The following ANKRD6 variants were observed in gnomAD, a reference collection of about 807,000 sequenced individuals.
ANKRD6 encodes the protein ankyrin repeat domain 6.
ANKRD6 carries 56 observed loss-of-function variants against 82.3 expected under a neutral mutation model. The ratio of observed to expected loss-of-function variants is 0.68; its 90% confidence interval spans 0.55 to 0.85. The LOEUF (loss-of-function observed/expected upper bound fraction) is 0.85. Ranked by LOEUF, ANKRD6 falls within the 40% of genes least tolerant of loss-of-function variation. ANKRD6 has a pLI of 0.00. For synonymous variants in ANKRD6, 347 were observed against 352.1 expected, an observed-to-expected ratio of 0.99 and a Z score of 0.16; for missense variants, 852 against 907.6, an observed-to-expected ratio of 0.94 and a Z score of 0.79.
At chr6:89,619,753 G>A (rs746134456) in intron 9 of ANKRD6, 3 of 152,214 alleles carry the variant, frequency 2.0e-5, no homozygotes. Flanking sequence ...TACAGAAATA[G>A]CATTAGTATT....
chr6:89,618,484 T>A (rs1273923811), intron 9 of ANKRD6: 1 of 399,946 alleles, frequency 2.5e-6, no homozygotes, highest in African/African-American at 2.0e-5. Flanking sequence ...CCGGAGATAG[T>A]TAAGTACAGT....
At chr6:89,614,906 A>G (rs1801176029) in intron 7 of ANKRD6, among the ~76,000 whole-genome samples, 1 of 151,808 alleles carries the variant, frequency 6.6e-6, no homozygotes, top group African/African-American at 2.4e-5. Flanking sequence ...ATAACTCCCT[A>G]AGTTCTGTTC....
At chr6:89,617,822 T>C in intron 8 of ANKRD6, 132 bp from the exon 9 acceptor site, 2 of 802,764 alleles carry the variant, frequency 2.5e-6, no homozygotes, top group Non-Finnish European at 4.1e-6. Flanking sequence ...TAGGTGGCCA[T>C]GTTTTGCCAC....
chr6:89,473,817 T>TA (rs950670431), intron 1 of ANKRD6, among the ~76,000 whole-genome samples: 89 of 143,684 alleles, frequency 6.2e-4, no homozygotes, highest in Middle Eastern at 3.6e-3. Flanking sequence ...CATCTCTACT[T>TA]AAAAAAAAAA....
intron 1 of ANKRD6, among the ~76,000 whole-genome samples, chr6:89,466,483 G>A (rs1774863652): frequency 6.6e-6 from 1 of 151,464 alleles, no homozygotes; most frequent in Non-Finnish European, 1.5e-5. Context: ...GATTATTCTT[G>A]GTTTTTAAAC....
intron 13 of ANKRD6, 125 bp downstream of exon 13, chr6:89,624,816 C>A: frequency 2.0e-6 from 2 of 999,178 alleles, no homozygotes; most frequent in Non-Finnish European, 2.8e-6. Context: ...AGGGAAGAGG[C>A]CTGCTTCTGC....
At chr6:89,487,398 A>G (rs570298593) in intron 1 of ANKRD6, among the ~76,000 whole-genome samples, 2 of 152,340 alleles carry the variant, frequency 1.3e-5, no homozygotes, top group African/African-American at 2.4e-5. Context: ...CATTTTTAAA[A>G]TGTGGAATTT....
At chr6:89,598,602 A>G (rs964122042) in intron 3 of ANKRD6, among the ~76,000 whole-genome samples, 1 of 152,214 alleles carries the variant, frequency 6.6e-6, no homozygotes, top group Non-Finnish European at 1.5e-5. Flanking sequence ...GAAAAATAAC[A>G]GTATTTCAAA....
chr6:89,548,519 G>A (rs144035768), intron 1 of ANKRD6, among the ~76,000 whole-genome samples: 49 of 152,322 alleles, frequency 3.2e-4, no homozygotes, highest in African/African-American at 1.2e-3. Context: ...GTGGTCATAT[G>A]TGTTCTGTTC....
intron 5 of ANKRD6, among the ~76,000 whole-genome samples, chr6:89,608,430 A>G (rs180813303): frequency 6.7e-6 from 1 of 150,110 alleles, no homozygotes; most frequent in African/African-American, 2.5e-5. Context: ...TAGTATCTCT[A>G]GCTTATGACA....
intron 1 of ANKRD6, among the ~76,000 whole-genome samples, chr6:89,548,725 C>A (rs1785424687): frequency 6.6e-6 from 1 of 152,214 alleles, no homozygotes; most frequent in Admixed American, 6.5e-5. Context: ...AGAGGCTTCT[C>A]CTTTGGAGCT....
chr6:89,515,603 A>T (rs1781106546), intron 1 of ANKRD6, among the ~76,000 whole-genome samples: 1 of 152,212 alleles, frequency 6.6e-6, no homozygotes, highest in South Asian at 2.1e-4. Context: ...ATATTACCTT[A>T]TGTGGCCCCC....
chr6:89,610,213 T>C (rs1799868418), intron 5 of ANKRD6, among the ~76,000 whole-genome samples: 1 of 152,202 alleles, frequency 6.6e-6, no homozygotes, highest in African/African-American at 2.4e-5. Flanking sequence ...CACCATAAGA[T>C]ATAGAATGTT....
chr6:89,450,156 G>C (rs1056282428), intron 1 of ANKRD6, among the ~76,000 whole-genome samples: 12 of 152,188 alleles, frequency 7.9e-5, no homozygotes, highest in African/African-American at 2.9e-4. Context: ...GGCCAGCGTA[G>C]TGAAACCTCG....
At chr6:89,504,711 C>T (rs762925000) in intron 1 of ANKRD6, among the ~76,000 whole-genome samples, 14 of 152,146 alleles carry the variant, frequency 9.2e-5, no homozygotes, top group Non-Finnish European at 1.5e-4. Context: ...GGCTGAAGGA[C>T]GGTCTTGAAG....
intron 6 of ANKRD6, among the ~76,000 whole-genome samples, chr6:89,612,883 T>A (rs1335880262): frequency 1.3e-5 from 2 of 152,210 alleles, no homozygotes; most frequent in African/African-American, 4.8e-5. Flanking sequence ...TGTATTTCCT[T>A]TATAAATCCC....
chr6:89,484,198 G>A (rs1267152138), intron 1 of ANKRD6, among the ~76,000 whole-genome samples: 4 of 152,184 alleles, frequency 2.6e-5, no homozygotes, highest in South Asian at 2.1e-4. Context: ...GTGAGCCACC[G>A]CGGCCGGCCA....
intron 1 of ANKRD6, among the ~76,000 whole-genome samples, chr6:89,564,475 G>A (rs1464651273): frequency 1.3e-5 from 2 of 152,196 alleles, no homozygotes; most frequent in African/African-American, 4.8e-5. Flanking sequence ...TATCTCAGTA[G>A]CCTGCAGCTA....
intron 2 of ANKRD6, among the ~76,000 whole-genome samples, chr6:89,579,797 A>G (rs1008819971): frequency 6.6e-6 from 1 of 151,402 alleles, no homozygotes; most frequent in Non-Finnish European, 1.5e-5. Flanking sequence ...GAGATGACAA[A>G]GTGTCTCAGT....
Sources: gnomAD v4.1 joint callset for allele counts (sites outside exome capture counted in the v4.1 genomes callset) on GRCh38, gnomAD v4.1.1 for gene constraint, MANE v1.5 for transcripts, NCBI Gene and HGNC (gene_info 2026-07-23, HGNC 2026-07-21) for gene names.